LRRD1: variants seen among roughly 807,000 people sequenced by gnomAD.
LRRD1 encodes leucine-rich repeat and death domain-containing protein 1.
In LRRD1, 49 loss-of-function variants were observed where a neutral mutation model predicts 69.5. That is an observed-to-expected ratio of 0.70 (90% CI 0.56 to 0.89). The LOEUF (loss-of-function observed/expected upper bound fraction) is 0.89, where lower values mean the gene tolerates loss of function less well. LRRD1 is among the 40% of genes least tolerant of loss of function. LRRD1 has a pLI of 0.00. For missense variants in LRRD1, 853 were observed against 956.0 expected, an observed-to-expected ratio of 0.89 and a Z score of 1.42; for synonymous variants, 303 against 338.9, an observed-to-expected ratio of 0.89 and a Z score of 1.16.
At position 92,146,083 on chromosome 7, in the gene LRRD1, C is replaced by A. The variant is rs1820316458; in HGVS notation, c.2396G>T (p.Ser799Ile). ...ACTAAATGCTGTCATTTATACATAC[C>A]TCTTTGTAGGCATATCAGTTTCTGA... ...ANSETDMPTKSTVSLSERAHQ... is the reference protein window; with the variant it reads ...ANSETDMPTKITVSLSERAHQ... Residue 799 changes from serine to isoleucine, a missense_variant and splice_region_variant, in exon 5 of 6, where the codon AGC (serine) becomes ATC (isoleucine). By Grantham distance (142) the Ser-to-Ile change is moderately radical. Transcript: ENST00000458448. The A allele has an allele frequency of 2.7e-6, 4 of 1,471,900 alleles. No homozygotes were observed. Among genetic ancestry groups the A allele is most frequent in the Non-Finnish European group, 3.7e-6 (4 of 1,094,526 alleles). The allele number at this position is 1,471,900 out of a possible 1,614,324, so 91.2% of individuals were successfully genotyped here.
At chr7:92,167,061 C>T (rs1273559610) in intron 1 of LRRD1, among the ~76,000 whole-genome samples, 2 of 150,670 alleles carry the variant, frequency 1.3e-5, no homozygotes, top group Non-Finnish European at 3.0e-5. Flanking sequence ...AGTAATATTG[C>T]TAAATACAAA....
chr7:92,146,789 G>A (rs1449273469), intron 4 of LRRD1, among the ~76,000 whole-genome samples: 9 of 151,044 alleles, frequency 6.0e-5, no homozygotes, highest in South Asian at 2.1e-4. Context: ...GGGCGTGGTC[G>A]CACATGCCTG....
intron 4 of LRRD1, among the ~76,000 whole-genome samples, chr7:92,147,162 G>A (rs1213604421): frequency 3.3e-5 from 5 of 151,498 alleles, no homozygotes; most frequent in African/African-American, 4.9e-5. Flanking sequence ...TGCCTCCCGG[G>A]TTCAAGTGAT....
chr7:92,142,874 A>G, downstream of LRRD1: 1 of 364,202 alleles, frequency 2.7e-6, no homozygotes, highest in Non-Finnish European at 5.4e-6. Context: ...GTGGACCCAA[A>G]GAGAGAGCAG....
Position 92,144,975 on chromosome 7 carries a change from T to A in LRRD1, c.2496A>T (p.Leu832=). Reference sequence around the variant, plus strand: ...CTCCTATCATAGTTAGTGCTCGAATTAGTTGATCTCTTAAAGCAGCAGCAG... The same window carrying A: ...CTCCTATCATAGTTAGTGCTCGAATAAGTTGATCTCTTAAAGCAGCAGCAG... ...SLTAAALRDQ[L]IRALTMIGAY... The change falls in exon 6 of 6, where the codon CTA becomes CTT. Residue 832 remains leucine, a synonymous_variant. Transcript: ENST00000458448. The A allele has an allele frequency of 6.5e-7, 1 of 1,546,326 alleles. No homozygotes were observed. Among genetic ancestry groups the A allele is most frequent in the Non-Finnish European group, 8.7e-7 (1 of 1,143,482 alleles).
At chr7:92,160,311 G>A (rs567403146) in intron 2 of LRRD1, among the ~76,000 whole-genome samples, 6 of 152,286 alleles carry the variant, frequency 3.9e-5, no homozygotes, top group Middle Eastern at 3.4e-3. Context: ...GGAAGCATAA[G>A]AAATAGTCTC....
intron 3 of LRRD1, among the ~76,000 whole-genome samples, chr7:92,158,398 T>TATATATGTATATATGTGTAC (rs1554482327): frequency 6.7e-6 from 1 of 149,044 alleles, no homozygotes; most frequent in Non-Finnish European, 1.5e-5. Flanking sequence ...TATATATGTG[T>TATATATGTATATATGTGTAC]ATATATGTGT....
rs952951661 is a variant in LRRD1 at position 92,156,343 on chromosome 7, C to T, written c.2116+2662G>A. ...AGAATTACCTCATTGTTTTCTGAAACAAAAAACTCTGCTAGGATTTTGTTG... is the reference window on the plus strand; with the variant it reads ...AGAATTACCTCATTGTTTTCTGAAATAAAAAACTCTGCTAGGATTTTGTTG... On this transcript the variant is annotated intron_variant, in intron 3 of 5. Transcript: ENST00000458448. 2.0e-5 allele frequency among the ~76,000 whole-genome samples: 3 copies of T among 152,082 alleles called. No individual in the cohort carries two copies. The East Asian group carries it at 5.8e-4, about 29-fold the overall frequency.
At chr7:92,156,558 A>G (rs1788661972) in intron 3 of LRRD1, among the ~76,000 whole-genome samples, 1 of 152,138 alleles carries the variant, frequency 6.6e-6, no homozygotes, top group Admixed American at 6.5e-5. Flanking sequence ...ACCATTTTAA[A>G]TTGTACTTTT....
intron 3 of LRRD1, among the ~76,000 whole-genome samples, chr7:92,155,375 TG>T (rs1026449998): frequency 2.0e-5 from 3 of 152,156 alleles, no homozygotes; most frequent in African/African-American, 7.2e-5. Context: ...CTCAGAAAAG[TG>T]CACAATTTTA....
chr7:92,158,137 T>C (rs1584655690), intron 3 of LRRD1, among the ~76,000 whole-genome samples: 1 of 152,162 alleles, frequency 6.6e-6, no homozygotes, highest in African/African-American at 2.4e-5. Flanking sequence ...AAGGTTGGTC[T>C]GTGTGATCAA....
Position 92,163,409 on chromosome 7 carries a change from G to A in LRRD1, c.1794C>T (p.Ile598=), listed in dbSNP as rs977265359. ...ENQLQKISSD[I]CNLKGIQKLN... ...ATTTCTGGATTCCTTTTAAATTACAGATGTCTGAAGAGATTTTCTGTAATT... is the reference window on the plus strand; with the variant it reads ...ATTTCTGGATTCCTTTTAAATTACAAATGTCTGAAGAGATTTTCTGTAATT... Residue 598 remains isoleucine, a synonymous_variant, in exon 2 of 6, where the codon ATC becomes ATT. Transcript: ENST00000458448. 6.5e-7 allele frequency: 1 copy of A among 1,547,452 alleles called. No homozygotes were observed. Among genetic ancestry groups the A allele is most frequent in the Non-Finnish European group, 8.7e-7 (1 of 1,145,844 alleles).
rs189149960 is a variant in LRRD1 at position 92,167,508 on chromosome 7, T to C, written c.-74-2232A>G. On this transcript the variant is annotated intron_variant, in intron 1 of 5. Transcript: ENST00000458448. ...CAACTTTTCTGTAAGTCTAAAATTATTTCAAAATAGAAAAATTTTTAAAGT... is the reference window on the plus strand; with the variant it reads ...CAACTTTTCTGTAAGTCTAAAATTACTTCAAAATAGAAAAATTTTTAAAGT... Among the ~76,000 whole-genome samples the C allele has an allele frequency of 5.9e-5, 9 of 152,326 alleles. No individual in the cohort carries two copies. In the East Asian group the frequency reaches 1.7e-3, roughly 29 times the overall value.
chr7:92,176,395 A>C (rs1726332647), intron 1 of LRRD1, among the ~76,000 whole-genome samples: 1 of 152,174 alleles, frequency 6.6e-6, no homozygotes, highest in Non-Finnish European at 1.5e-5. Flanking sequence ...CTATAAAGAC[A>C]ATATTCTAAG....
At chr7:92,158,556 A>ATT in intron 3 of LRRD1, among the ~76,000 whole-genome samples, 1 of 152,116 alleles carries the variant, frequency 6.6e-6, no homozygotes, top group South Asian at 2.1e-4. Context: ...CTACAATGTC[A>ATT]TTTTTATTTT....
chr7:92,163,131 T>C (rs897771460), intron 2 of LRRD1, among the ~76,000 whole-genome samples, 155 bp downstream of exon 2: 9 of 152,206 alleles, frequency 5.9e-5, no homozygotes, highest in African/African-American at 1.4e-4. Context: ...TTATAAGCCA[T>C]GTTTGGCGGG....
At chr7:92,153,449 T>C (rs999106154) in intron 3 of LRRD1, among the ~76,000 whole-genome samples, 20 of 152,156 alleles carry the variant, frequency 1.3e-4, no homozygotes, top group Non-Finnish European at 2.2e-4. Flanking sequence ...TTGTTTGACT[T>C]CTTAATTTTG....
rs1415152210 is a variant in LRRD1 at position 92,144,970 on chromosome 7, C to T, written c.2501G>A (p.Arg834Gln). ...ATATGCTCCTATCATAGTTAGTGCTCGAATTAGTTGATCTCTTAAAGCAGC... is the reference window on the plus strand; with the variant it reads ...ATATGCTCCTATCATAGTTAGTGCTTGAATTAGTTGATCTCTTAAAGCAGC... The part of the protein sequence containing the change: ...TAAALRDQLI[R>Q]ALTMIGAYEI... The change falls in exon 6 of 6, where the codon CGA (arginine) becomes CAA (glutamine). Residue 834 changes from arginine to glutamine, a missense_variant. Arg to Gln is a conservative substitution (Grantham distance 43). Around this residue, in one of 3 missense-constraint regions of LRRD1, gnomAD observed 739 missense variants for 808.0 expected, o/e 0.91. Coordinates refer to ENST00000458448, the MANE Select transcript of LRRD1 (RefSeq NM_001161528.2). The T allele has an allele frequency of 5.2e-6, 8 of 1,545,026 alleles. No homozygotes were observed. In the East Asian group the frequency reaches 9.8e-5, roughly 19 times the overall value.
At chr7:92,162,900 C>T (rs938634302) in intron 2 of LRRD1, among the ~76,000 whole-genome samples, 1 of 152,008 alleles carries the variant, frequency 6.6e-6, no homozygotes, top group Admixed American at 6.6e-5. Context: ...AACGTATGCC[C>T]GTAGTTATAA....
Sources: gnomAD v4.1 joint callset for allele counts (sites outside exome capture counted in the v4.1 genomes callset) on GRCh38, gnomAD v4.1.1 for gene constraint, gnomAD v4.1.1 regional missense constraint, MANE v1.5 for transcripts, NCBI Gene and HGNC (gene_info 2026-07-23, HGNC 2026-07-21) for gene names.